Variants in CNOT6L observed in about 807,000 individuals in gnomAD.
CNOT6L encodes the protein CCR4-NOT transcription complex subunit 6 like.
Under a neutral mutation model 64.0 loss-of-function variants are expected in CNOT6L, and 7 were observed. That is an observed-to-expected ratio of 0.11 (90% CI 0.06 to 0.21). The LOEUF is 0.21. Ranked by LOEUF, CNOT6L falls within the 10% of genes least tolerant of loss-of-function variation. The pLI is 1.00. For synonymous variants in CNOT6L, 193 were observed against 243.4 expected (o/e 0.79, Z 1.93); for missense variants, 245 against 669.0 (o/e 0.37, Z 6.99).
intron 4 of CNOT6L, among the ~76,000 whole-genome samples, chr4:77,767,501 C>T (rs550608755): frequency 6.6e-6 from 1 of 152,112 alleles, no homozygotes; most frequent in South Asian, 2.1e-4. Flanking sequence ...AAATTTACTA[C>T]TGGAAAGGAA....
chr4:77,750,404 T>G (rs1724726419), intron 5 of CNOT6L, among the ~76,000 whole-genome samples: 1 of 151,858 alleles, frequency 6.6e-6, no homozygotes, highest in South Asian at 2.1e-4. Flanking sequence ...CAGGCTGGAG[T>G]GCAGTGGCGC....
In CNOT6L at chr4:77,761,039, CTA is replaced by C. The variant is rs576800981; in HGVS notation, c.401-4090_401-4089del. On this transcript the variant is annotated intron_variant, in intron 4 of 11. Coordinates refer to ENST00000504123, the MANE Select transcript of CNOT6L (RefSeq NM_144571.3). Reference sequence around the variant, plus strand: ...CCAGGGAAAGGAAATATTAAGAAAACTATATGTGTGTAAATTTAACAACTTAG... The same window carrying C: ...CCAGGGAAAGGAAATATTAAGAAAACTATGTGTGTAAATTTAACAACTTAG... Among the ~76,000 whole-genome samples, 34 of 151,736 alleles carry C rather than the reference CTA, an allele frequency of 2.2e-4. No homozygotes were observed. In the South Asian group the frequency reaches 6.7e-3, roughly 30 times the overall value.
chr4:77,760,860 CTTTTTTTTTTTTTTTTTTTTTTTTT>C (rs754195745), intron 4 of CNOT6L, among the ~76,000 whole-genome samples: 915 of 30,016 alleles, frequency 0.03, 30 homozygotes, highest in South Asian at 0.056. Context: ...CCATGCCTGG[CTTTTTTTTTTTTTTTTTTTTTTTTT>C]TTTTTTTTTT....
chr4:77,768,601 A>C (rs1353672521), intron 4 of CNOT6L, among the ~76,000 whole-genome samples: 1 of 150,612 alleles, frequency 6.6e-6, no homozygotes, highest in Non-Finnish European at 1.5e-5. Flanking sequence ...AAAATAGAAA[A>C]AAGAACTCCT....
chr4:77,802,931 G>C (rs1203935585), intron 1 of CNOT6L, among the ~76,000 whole-genome samples: 3 of 152,064 alleles, frequency 2.0e-5, no homozygotes, highest in African/African-American at 7.2e-5. Flanking sequence ...TTGGGGTGCA[G>C]AAAACTTATT....
At chr4:77,748,856 TATA>T (rs1250926822) in intron 5 of CNOT6L, among the ~76,000 whole-genome samples, 2 of 152,168 alleles carry the variant, frequency 1.3e-5, no homozygotes, top group African/African-American at 2.4e-5. Flanking sequence ...TTTACTCTTT[TATA>T]ATGTCAGCAC....
chr4:77,763,112 G>A (rs979532175), intron 4 of CNOT6L, among the ~76,000 whole-genome samples: 12 of 151,990 alleles, frequency 7.9e-5, no homozygotes, highest in Admixed American at 3.3e-4. Flanking sequence ...TTAGAAAAGC[G>A]AGGAAGCAGA....
chr4:77,811,680 C>T (rs535982589), intron 1 of CNOT6L, among the ~76,000 whole-genome samples: 7 of 152,068 alleles, frequency 4.6e-5, no homozygotes, highest in Non-Finnish European at 8.8e-5. Context: ...TTTTTCTAAT[C>T]CACATTTCAC....
chr4:77,747,996 G>A (rs1560586170), intron 6 of CNOT6L, among the ~76,000 whole-genome samples: 2 of 151,792 alleles, frequency 1.3e-5, no homozygotes, highest in Non-Finnish European at 2.9e-5. Context: ...TTGGAAAGCT[G>A]TATTATAGAA....
At chr4:77,734,497 T>C (rs1284236342) in intron 8 of CNOT6L, among the ~76,000 whole-genome samples, 5 of 152,212 alleles carry the variant, frequency 3.3e-5, no homozygotes, top group African/African-American at 9.6e-5. Flanking sequence ...TAACCTGTGT[T>C]GGACATTTAA....
At position 77,720,648 on chromosome 4, in the gene CNOT6L, A is replaced by G. The variant is rs752513736; in HGVS notation, c.1456-5T>C. On this transcript the variant is annotated splice_region_variant and splice_polypyrimidine_tract_variant and intron_variant, in intron 11 of 11. Transcript: ENST00000504123. ...GAAAATGTAGTCAATCACGCCCTGG[A>G]AAGAGATTGGGAATAGGAAAAAAAG... is the stretch of plus-strand genomic sequence containing the variant. 3 of 1,612,888 alleles carry G rather than the reference A, an allele frequency of 1.9e-6. No individual in the cohort carries two copies. Among genetic ancestry groups the G allele is most frequent in the African/African-American group, 1.3e-5 (1 of 74,866 alleles).
chr4:77,800,575 A>C (rs1731419436), intron 1 of CNOT6L, among the ~76,000 whole-genome samples: 2 of 152,228 alleles, frequency 1.3e-5, no homozygotes, highest in Admixed American at 6.5e-5. Context: ...GAAAGTCTGA[A>C]TAGCTGTAAC....
rs370784619 is a variant in CNOT6L, at chr4:77,720,641, G to A, written c.1458C>T (p.Gly486=). ...TGGAATAGAAAATGTAGTCAATCACGCCCTGGAAAGAGATTGGGAATAGGA... is the reference window on the plus strand; with the variant it reads ...TGGAATAGAAAATGTAGTCAATCACACCCTGGAAAGAGATTGGGAATAGGA... ...PYTNYTFDFK[G]VIDYIFYSKT... The change falls in exon 12 of 12, where the codon GGC becomes GGT. Residue 486 remains glycine, a splice_region_variant and synonymous_variant. Coordinates refer to ENST00000504123, the MANE Select transcript of CNOT6L (RefSeq NM_144571.3). 9.7e-5 allele frequency: 157 copies of A among 1,612,848 alleles called. No homozygotes were observed. The Middle Eastern group carries it at 1.5e-3, about 15-fold the overall frequency.
chr4:77,819,557 C>T (rs1734062740), upstream of CNOT6L: 1 of 375,526 alleles, frequency 2.7e-6, no homozygotes, highest in East Asian at 8.7e-5. Flanking sequence ...AACCCGGGCC[C>T]GGGGTCTCGG....
intron 9 of CNOT6L, among the ~76,000 whole-genome samples, 157 bp from the exon 10 acceptor site, chr4:77,729,238 C>T (rs999462804): frequency 5.9e-5 from 9 of 152,172 alleles, no homozygotes; most frequent in African/African-American, 2.2e-4. Flanking sequence ...TTCTTAGAAG[C>T]TAAAGGGCTG....
chr4:77,771,294 C>A (rs1386465738), intron 4 of CNOT6L, among the ~76,000 whole-genome samples: 1 of 152,054 alleles, frequency 6.6e-6, no homozygotes, highest in Non-Finnish European at 1.5e-5. Context: ...CATGCCATTG[C>A]ACTCCAGCCT....
At chr4:77,802,662 C>T (rs1209384577) in intron 1 of CNOT6L, among the ~76,000 whole-genome samples, 1 of 152,162 alleles carries the variant, frequency 6.6e-6, no homozygotes, top group Non-Finnish European at 1.5e-5. Context: ...CAGTATGTGG[C>T]CAGATGGTAT....
chr4:77,789,177 A>C, intron 1 of CNOT6L, among the ~76,000 whole-genome samples: 1 of 152,162 alleles, frequency 6.6e-6, no homozygotes, highest in Non-Finnish European at 1.5e-5. Flanking sequence ...CTGTTAAATT[A>C]TTTAGCTAAT....
At chr4:77,773,188 AAT>A (rs1187350336) in intron 3 of CNOT6L, 22 bp from the exon 4 acceptor site, 5 of 1,400,444 alleles carry the variant, frequency 3.6e-6, no homozygotes, top group Admixed American at 2.4e-5. Flanking sequence ...AAAAAAAAAA[AAT>A]TAGTTTAATA....
Sources: gnomAD v4.1 joint callset for allele counts (sites outside exome capture counted in the v4.1 genomes callset) on GRCh38, gnomAD v4.1.1 for gene constraint, MANE v1.5 for transcripts, NCBI Gene and HGNC (gene_info 2026-07-23, HGNC 2026-07-21) for gene names.